Variants in GARIN2 observed in about 807,000 individuals in gnomAD.
The protein encoded by GARIN2 is Golgi-associated RAB2 interactor protein 2.
the GARIN2 span, among the ~76,000 whole-genome samples, chr14:67,225,775 T>G: frequency 6.6e-6 from 1 of 152,210 alleles, no homozygotes. Context: ...ATTCTAAGTT[T>G]GTTCGAAACA....
At chr14:67,202,530 T>C in the GARIN2 span, among the ~76,000 whole-genome samples, 1 of 152,256 alleles carries the variant, frequency 6.6e-6, no homozygotes, top group Admixed American at 6.5e-5. Context: ...ATCATTCCTA[T>C]TCTTTTACTA....
chr14:67,215,361 A>AC, the GARIN2 span, among the ~76,000 whole-genome samples: 1 of 151,914 alleles, frequency 6.6e-6, no homozygotes, highest in South Asian at 2.1e-4. Flanking sequence ...TACCGAGGGC[A>AC]CAGAAGTCAC....
chr14:67,203,278 A>G, the GARIN2 span: 1 of 1,591,204 alleles, frequency 6.3e-7, no homozygotes, highest in Non-Finnish European at 8.6e-7. Context: ...CCTGCAGAGA[A>G]ACTAGTGCTC....
the GARIN2 span, chr14:67,221,989 C>A: frequency 1.5e-6 from 1 of 660,772 alleles, no homozygotes; most frequent in Non-Finnish European, 2.4e-6. Context: ...TTCTCAAAGC[C>A]GATCCTCAGG....
chr14:67,202,429 G>C, the GARIN2 span, among the ~76,000 whole-genome samples: 1 of 151,970 alleles, frequency 6.6e-6, no homozygotes, highest in South Asian at 2.1e-4. Flanking sequence ...AACAGAACGA[G>C]ACTGCACCTA....
the GARIN2 span, chr14:67,225,206 A>G: frequency 1.0e-5 from 16 of 1,538,556 alleles, no homozygotes; most frequent in Non-Finnish European, 1.3e-5. Context: ...GAATGTGAGG[A>G]AAGAAAAGTA....
At chr14:67,201,490 A>T in the GARIN2 span, 2 of 455,974 alleles carry the variant, frequency 4.4e-6, no homozygotes, top group African/African-American at 2.0e-5. Context: ...GCAGTAGAAG[A>T]TATTCATCTC....
the GARIN2 span, chr14:67,224,870 C>G: frequency 2.8e-6 from 1 of 352,210 alleles, no homozygotes; most frequent in Non-Finnish European, 5.1e-6. Context: ...AAAACCCAGG[C>G]TTAATAAAAA....
At chr14:67,202,297 C>T in the GARIN2 span, among the ~76,000 whole-genome samples, 4 of 152,080 alleles carry the variant, frequency 2.6e-5, no homozygotes, top group Admixed American at 6.6e-5. Context: ...AAAAATTAGC[C>T]GGGCTTGGTG....
chr14:67,225,926 A>AGTGTGT, the GARIN2 span, among the ~76,000 whole-genome samples: 14,396 of 136,460 alleles, frequency 0.11, 883 homozygotes, highest in Middle Eastern at 0.19. Context: ...TAATGCTGTG[A>AGTGTGT]GTGTGTGTGT....
At chr14:67,213,270 C>T in the GARIN2 span, among the ~76,000 whole-genome samples, 2 of 148,560 alleles carry the variant, frequency 1.3e-5, no homozygotes, top group African/African-American at 5.0e-5. Context: ...CCCATTAACT[C>T]GTCATTTAGC....
At chr14:67,222,956 G>T in the GARIN2 span, among the ~76,000 whole-genome samples, 3 of 148,790 alleles carry the variant, frequency 2.0e-5, no homozygotes, top group African/African-American at 7.4e-5. Context: ...TATAGAATAG[G>T]TTTTTACACA....
chr14:67,225,407 G>A, the GARIN2 span: 5 of 512,562 alleles, frequency 9.8e-6, no homozygotes, highest in Non-Finnish European at 9.5e-6. Context: ...AAATGTTAGG[G>A]GTTTGTTGTG....
chr14:67,205,085 A>G, the GARIN2 span: 1 of 1,549,204 alleles, frequency 6.5e-7, no homozygotes, highest in East Asian at 2.4e-5. Context: ...AAGCAAGAGG[A>G]GAAGGTATGT....
the GARIN2 span, chr14:67,205,116 T>G: frequency 5.9e-6 from 9 of 1,531,050 alleles, no homozygotes; most frequent in Non-Finnish European, 7.9e-6. Flanking sequence ...ACTTTCATGC[T>G]TTAATAATCG....
chr14:67,225,956 TGTGTGTGCGCGCGC>T, the GARIN2 span, among the ~76,000 whole-genome samples: 100 of 136,292 alleles, frequency 7.3e-4, 1 homozygote, highest in Non-Finnish European at 1.3e-3. Flanking sequence ...TGTGTGTGTG[TGTGTGTGCGCGCGC>T]GCGCGTGCGC....
chr14:67,217,326 A>G, the GARIN2 span, among the ~76,000 whole-genome samples: 1 of 152,164 alleles, frequency 6.6e-6, no homozygotes, highest in African/African-American at 2.4e-5. Context: ...TCATGTAGGC[A>G]GCATATAGTT....
At chr14:67,200,201 C>A in the GARIN2 span, 3 of 1,129,016 alleles carry the variant, frequency 2.7e-6, no homozygotes, top group South Asian at 3.3e-5. Flanking sequence ...CCACTGATGC[C>A]CCCCATGGAT....
At chr14:67,208,069 C>G in the GARIN2 span, 3 of 1,334,628 alleles carry the variant, frequency 2.2e-6, no homozygotes, top group African/African-American at 4.4e-5. Flanking sequence ...AAGCCTCACT[C>G]CCTCCTTACT....
Sources: gnomAD v4.1 joint callset for allele counts (sites outside exome capture counted in the v4.1 genomes callset) on GRCh38, gnomAD v4.1.1 for gene constraint, MANE v1.5 for transcripts, NCBI Gene and HGNC (gene_info 2026-07-23, HGNC 2026-07-21) for gene names.